Variants in LAMA2 observed in about 807,000 individuals in gnomAD.
The protein encoded by LAMA2 is laminin subunit alpha 2.
In LAMA2, 269 loss-of-function variants were observed where a neutral mutation model predicts 364.8. The observed-to-expected ratio is 0.74, with a 90% CI of 0.67 to 0.82. The LOEUF (loss-of-function observed/expected upper bound fraction) is 0.82, where lower values mean the gene tolerates loss of function less well. Ranked by LOEUF, LAMA2 falls within the 40% of genes least tolerant of loss-of-function variation. LAMA2 has a pLI of 0.00. For missense variants in LAMA2, 3,807 were observed against 3,873.2 expected, an observed-to-expected ratio of 0.98 and a Z score of 0.45; for synonymous variants, 1,379 against 1,370.6, an observed-to-expected ratio of 1.01 and a Z score of -0.14.
chr6:129,210,003 C>CAAAAAAAAAAA lies in LAMA2; in HGVS notation c.1782+17162_1782+17172dup, dbSNP rs374127279. 4.3e-3 allele frequency among the ~76,000 whole-genome samples: 291 copies of CAAAAAAAAAAA among 67,612 alleles called. 9 individuals carry two copies. The highest frequency in any genetic ancestry group is 0.012 in the African/African-American group (243 of 20,638). 44.4% of individuals were successfully genotyped at this position (67,612 alleles called of 152,430 possible). On this transcript the variant is annotated intron_variant, in intron 12 of 64. Coordinates refer to ENST00000421865, the MANE Select transcript of LAMA2 (RefSeq NM_000426.4). ...CGGGCGACAGAGCGAGACTCCATCT[C>CAAAAAAAAAAA]AAAAAAAAAAAAAAAAAAAAAATTT...
intron 14 of LAMA2, among the ~76,000 whole-genome samples, chr6:129,252,749 T>G (rs1216300786): frequency 3.3e-5 from 5 of 150,360 alleles, no homozygotes; most frequent in Admixed American, 3.3e-4. Flanking sequence ...TCTTTTCATT[T>G]AAGTGACCAC....
chr6:129,066,626 T>C (rs1789377200), intron 3 of LAMA2, among the ~76,000 whole-genome samples: 1 of 115,800 alleles, frequency 8.6e-6, no homozygotes, highest in Non-Finnish European at 1.9e-5. Flanking sequence ...AAAGCAATCT[T>C]GAGCAAAAAG....
chr6:129,339,573 G>A (rs1282596490), intron 29 of LAMA2, among the ~76,000 whole-genome samples: 1 of 152,108 alleles, frequency 6.6e-6, no homozygotes, highest in East Asian at 1.9e-4. Flanking sequence ...AGGTAAATGT[G>A]GAGGAGAAAA....
intron 37 of LAMA2, among the ~76,000 whole-genome samples, chr6:129,396,751 T>C (rs1779658681): frequency 1.3e-5 from 2 of 151,848 alleles, no homozygotes; most frequent in Admixed American, 1.3e-4. Flanking sequence ...AAGTAAAGAG[T>C]AAGTTGCTAC....
chr6:129,180,478 C>G (rs1780865465), intron 10 of LAMA2, among the ~76,000 whole-genome samples: 1 of 151,540 alleles, frequency 6.6e-6, no homozygotes, highest in East Asian at 1.9e-4. Flanking sequence ...TTTTTTTTAT[C>G]AGAAAGAAAT....
intron 14 of LAMA2, among the ~76,000 whole-genome samples, chr6:129,253,794 T>C (rs895926948): frequency 2.0e-5 from 3 of 152,222 alleles, no homozygotes; most frequent in Non-Finnish European, 4.4e-5. Context: ...CTACCCGTCT[T>C]AAAATCACTG....
At chr6:129,441,021 G>A in intron 43 of LAMA2, 23 bp downstream of exon 43, 1 of 1,595,602 alleles carries the variant, frequency 6.3e-7, no homozygotes, top group Non-Finnish European at 8.6e-7. Flanking sequence ...TTTTCATTGT[G>A]ATGATGTCAT....
chr6:129,229,261 T>C (rs181558584), intron 12 of LAMA2, among the ~76,000 whole-genome samples: 82 of 152,246 alleles, frequency 5.4e-4, no homozygotes, highest in Admixed American at 3.1e-3. Flanking sequence ...TGAATAGACT[T>C]TAATTTTATA....
intron 18 of LAMA2, among the ~76,000 whole-genome samples, chr6:129,281,334 GCAACCTTTTTTTAGCAA>G (rs1788705146): frequency 6.6e-6 from 1 of 152,052 alleles, no homozygotes. Context: ...TTCACTACAG[GCAACCTTTTTTTAGCAA>G]CTGGAAAATG....
chr6:129,260,710 G>A lies in LAMA2; in HGVS notation c.2097-1G>A, dbSNP rs1256844746. 6.3e-7 allele frequency: 1 copy of A among 1,591,770 alleles called. No homozygotes were observed. On this transcript the variant is annotated splice_acceptor_variant, in intron 14 of 64. Coordinates refer to ENST00000421865, the MANE Select transcript of LAMA2 (RefSeq NM_000426.4). LOFTEE classifies it high-confidence loss of function. ...ACCATCTCTTTTTTCCTCTGCCATA[G>A]GTTGAGCTCTGTTAACCTTGAATCC... is the stretch of plus-strand genomic sequence containing the variant.
chr6:129,493,356 T>C (rs1784980233), intron 58 of LAMA2, among the ~76,000 whole-genome samples: 1 of 152,128 alleles, frequency 6.6e-6, no homozygotes, highest in Non-Finnish European at 1.5e-5. Flanking sequence ...TAACCGACCA[T>C]CTGTGTGAAT....
chr6:129,090,996 GCT>G (rs1325970555), intron 3 of LAMA2, among the ~76,000 whole-genome samples: 1 of 152,050 alleles, frequency 6.6e-6, no homozygotes, highest in African/African-American at 2.4e-5. Flanking sequence ...GCCATTCATT[GCT>G]CTTCCATCTC....
chr6:129,396,076 TG>T (rs1450705256), intron 37 of LAMA2, among the ~76,000 whole-genome samples: 2 of 152,202 alleles, frequency 1.3e-5, no homozygotes, highest in Non-Finnish European at 2.9e-5. Flanking sequence ...TAAAATAAAA[TG>T]TTGCAGAATT....
intron 3 of LAMA2, among the ~76,000 whole-genome samples, chr6:129,062,864 A>G (rs1246844339): frequency 2.0e-5 from 3 of 151,342 alleles, no homozygotes; most frequent in South Asian, 4.2e-4. Flanking sequence ...CTTAAACATA[A>G]CAGAAACGAT....
Position 129,049,984 on chromosome 6 carries a change from A to G in LAMA2, c.179A>G (p.Glu60Gly). 2 of 1,613,530 alleles carry G rather than the reference A, an allele frequency of 1.2e-6. No homozygotes were observed. Among genetic ancestry groups the G allele is most frequent in the Non-Finnish European group, 8.5e-7 (1 of 1,179,502 alleles). The change falls in exon 2 of 65, where the codon GAA becomes GGA. Residue 60 changes from glutamate (E) to glycine (G), a missense_variant. Around this residue, in one of 3 missense-constraint regions of LAMA2, gnomAD observed 394 missense variants for 403.5 expected, o/e 0.98. Coordinates refer to ENST00000421865, the MANE Select transcript of LAMA2 (RefSeq NM_000426.4). Reference protein sequence around the residue: ...ALITTNATCGEKGPEMYCKLV... With the variant: ...ALITTNATCGGKGPEMYCKLV... Reference sequence around the variant, plus strand: ...ATCACGACCAATGCAACATGTGGAGAAAAAGGACCTGAAATGTACTGCAAA... The same window carrying G: ...ATCACGACCAATGCAACATGTGGAGGAAAAGGACCTGAAATGTACTGCAAA...
At chr6:129,293,039 T>A (rs1029823635) in intron 20 of LAMA2, 12 of 985,900 alleles carry the variant, frequency 1.2e-5, no homozygotes, top group Non-Finnish European at 1.3e-5. Flanking sequence ...GCGGGTGCCC[T>A]CGGGGAGCCT....
chr6:129,238,424 A>G (rs1302804859), intron 12 of LAMA2, among the ~76,000 whole-genome samples: 1 of 152,198 alleles, frequency 6.6e-6, no homozygotes, highest in Non-Finnish European at 1.5e-5. Context: ...AACATAACGT[A>G]TAATTCAGAG....
intron 58 of LAMA2, 39 bp downstream of exon 58, chr6:129,492,522 AC>A: frequency 6.4e-7 from 1 of 1,570,874 alleles, no homozygotes; most frequent in Non-Finnish European, 8.8e-7. Flanking sequence ...TCTAATTTTT[AC>A]CCAGTATTCT....
intron 1 of LAMA2, among the ~76,000 whole-genome samples, chr6:128,920,026 C>G (rs555306301): frequency 1.6e-4 from 25 of 152,280 alleles, no homozygotes; most frequent in African/African-American, 6.0e-4. Flanking sequence ...TGTATCCATT[C>G]TGAATTCCTT....
Sources: allele counts gnomAD v4.1 joint callset (sites outside exome capture counted in the v4.1 genomes callset), GRCh38; gene constraint gnomAD v4.1.1; regional missense constraint gnomAD v4.1.1; transcripts MANE v1.5; gene names NCBI Gene and HGNC (gene_info 2026-07-23, HGNC 2026-07-21).